Variants in ITPA observed in about 807,000 individuals in gnomAD.
The protein encoded by ITPA is inosine triphosphate pyrophosphatase.
In ITPA, 29 loss-of-function variants were observed where a neutral mutation model predicts 29.6. The observed-to-expected ratio is 0.98, with a 90% CI of 0.73 to 1.34. The LOEUF (loss-of-function observed/expected upper bound fraction) is 1.34, where lower values mean the gene tolerates loss of function less well. Among genes scored for constraint, ITPA ranks in the 40% most tolerant of loss-of-function variants. The probability of loss-of-function intolerance (pLI) is 0.00; values close to 1 mark genes in which losing one functional copy is unlikely to be tolerated. For missense variants in ITPA, 241 were observed against 251.5 expected (o/e 0.96, Z 0.28); for synonymous variants, 103 against 99.3 (o/e 1.04, Z -0.22).
In ITPA at chr20:3,218,509, A is replaced by G; in HGVS notation, c.296-8A>G. ...GGGATGCACTGAGCCCTCACTGCCC[A>G]CCCGCAGGTCTCCACCAGCTCCTGG... On this transcript the variant is annotated splice_polypyrimidine_tract_variant and splice_region_variant and intron_variant, in intron 5 of 7. Transcript: ENST00000380113. 9 of 1,608,392 alleles carry G rather than the reference A, an allele frequency of 5.6e-6. No individual in the cohort carries two copies. Among genetic ancestry groups the G allele is most frequent in the Non-Finnish European group, 6.8e-6 (8 of 1,175,188 alleles).
intron 4 of ITPA, 81 bp downstream of exon 4, chr20:3,214,139 G>A: frequency 6.8e-6 from 8 of 1,173,268 alleles, no homozygotes; most frequent in Non-Finnish European, 1.0e-5. Flanking sequence ...ACCTGATACT[G>A]CAGGTCATTC....
intron 3 of ITPA, 141 bp from the exon 4 acceptor site, chr20:3,213,844 G>A (rs924055703): frequency 1.9e-5 from 16 of 855,268 alleles, no homozygotes; most frequent in South Asian, 6.6e-5. Context: ...GAGATTGGCC[G>A]AGGGCAGCTC....
At chr20:3,220,895 G>A (rs2122428474) in intron 6 of ITPA, among the ~76,000 whole-genome samples, 1 of 151,948 alleles carries the variant, frequency 6.6e-6, no homozygotes, top group Non-Finnish European at 1.5e-5. Flanking sequence ...GGGTTTTTTT[G>A]TTTGTTTTTT....
upstream of ITPA, chr20:3,209,300 G>A: frequency 1.8e-6 from 1 of 570,404 alleles, no homozygotes; most frequent in Non-Finnish European, 3.2e-6. This position sits in a 1 kb window ranked among gnomAD's most constrained non-coding sequence, Gnocchi z 4.6. Flanking sequence ...GGTTCTTGAA[G>A]ATAGCGTCCC....
At chr20:3,219,849 C>A (rs892594661) in intron 6 of ITPA, among the ~76,000 whole-genome samples, 5 of 151,548 alleles carry the variant, frequency 3.3e-5, no homozygotes, top group African/African-American at 4.8e-5. Context: ...GAGTTTGAGA[C>A]CAGCCTGGGT....
At chr20:3,227,389 T>G, downstream of ITPA, 5 of 248,218 alleles carry the variant, frequency 2.0e-5, no homozygotes, top group East Asian at 9.9e-5. Context: ...GGGGGTGGAG[T>G]GGCAGTAGCA....
At chr20:3,227,417 T>C (rs907374412), downstream of ITPA, 11 of 296,484 alleles carry the variant, frequency 3.7e-5, no homozygotes, top group African/African-American at 8.6e-5. Context: ...AGGTGGCACA[T>C]AGGAGCCTAG....
chr20:3,206,035 G>A (rs191654598), upstream of ITPA, among the ~76,000 whole-genome samples: 76 of 136,790 alleles, frequency 5.6e-4, 1 homozygote, highest in Middle Eastern at 0.015. Flanking sequence ...CAGCCTGAGC[G>A]ACAGAGCAAG....
At chr20:3,212,359 G>A (rs777665242) in intron 1 of ITPA, among the ~76,000 whole-genome samples, 5 of 149,524 alleles carry the variant, frequency 3.3e-5, no homozygotes, top group East Asian at 2.0e-4. Flanking sequence ...TCACTCTGTC[G>A]CCTAAGGCTG....
chr20:3,213,051 TTGGTAAGCTTTAGGAGA>T, intron 1 of ITPA, 101 bp from the exon 2 acceptor site: 2 of 1,090,644 alleles, frequency 1.8e-6, no homozygotes, highest in South Asian at 2.5e-5. Context: ...CAGGCCTGAG[TTGGTAAGCTTTAGGAGA>T]TGGGCAGCAG....
At chr20:3,220,887 GTTTT>G (rs796297250) in intron 6 of ITPA, among the ~76,000 whole-genome samples, 180 of 151,926 alleles carry the variant, frequency 1.2e-3, no homozygotes, top group African/African-American at 4.2e-3. Flanking sequence ...AATCTTTTGG[GTTTT>G]TTTGTTTGTT....
upstream of ITPA, among the ~76,000 whole-genome samples, chr20:3,208,525 A>G (rs2067103796): frequency 2.0e-5 from 3 of 152,124 alleles, no homozygotes; most frequent in South Asian, 6.2e-4. Flanking sequence ...ACAGGCATGC[A>G]CCACCATGCC....
At chr20:3,216,140 G>A (rs558801972) in intron 5 of ITPA, among the ~76,000 whole-genome samples, 12 of 147,682 alleles carry the variant, frequency 8.1e-5, no homozygotes, top group African/African-American at 2.3e-4. Flanking sequence ...ACAGGCATGC[G>A]CCAGCACGCT....
At chr20:3,207,499 G>T (rs1338408376), upstream of ITPA, among the ~76,000 whole-genome samples, 2 of 152,132 alleles carry the variant, frequency 1.3e-5, no homozygotes, top group East Asian at 1.9e-4. Context: ...TTTGAGACCA[G>T]CCTGGTCAAT....
chr20:3,226,733 G>A (rs1419293132), downstream of ITPA, among the ~76,000 whole-genome samples: 1 of 152,168 alleles, frequency 6.6e-6, no homozygotes, highest in Non-Finnish European at 1.5e-5. The surrounding 1 kb of genome is among the most constrained non-coding windows in gnomAD (Gnocchi z 4.4). Flanking sequence ...CATGGGGCAT[G>A]TGTCAAGCCA....
chr20:3,210,569 T>G (rs144207419), intron 1 of ITPA, among the ~76,000 whole-genome samples: 1 of 152,222 alleles, frequency 6.6e-6, no homozygotes, highest in African/African-American at 2.4e-5. Flanking sequence ...GCCTGTAGTG[T>G]AGGGAGGGAC....
intron 1 of ITPA, among the ~76,000 whole-genome samples, chr20:3,210,410 C>G (rs757309271): frequency 6.6e-6 from 1 of 152,230 alleles, no homozygotes; most frequent in Non-Finnish European, 1.5e-5. Context: ...GATATCAGCT[C>G]CGACTGGCTT....
rs2067517573 is a variant in ITPA at position 3,223,404 on chromosome 20, C to T, written c.527C>T (p.Ser176Phe). 6.2e-7 allele frequency: 1 copy of T among 1,613,794 alleles called. No homozygotes were observed. Among genetic ancestry groups the T allele is most frequent in the Admixed American group, 1.7e-5 (1 of 60,006 alleles). The change falls in exon 8 of 8, where the codon TCC becomes TTC. Residue 176 changes from serine (S) to phenylalanine (F), a missense_variant. Transcript: ENST00000380113. ...CCTAAGGCGGAGAAGAACGCTGTCT[C>T]CCATCGCTTCCGGGCCCTGCTGGAG... ...EMPKAEKNAV[S>F]HRFRALLELQ...
chr20:3,225,533 GT>G (rs1163917807), downstream of ITPA, among the ~76,000 whole-genome samples: 1 of 152,120 alleles, frequency 6.6e-6, no homozygotes, highest in Non-Finnish European at 1.5e-5. Context: ...CCATGTGGGG[GT>G]TCCTGGAGGG....
Sources: allele counts gnomAD v4.1 joint callset (sites outside exome capture counted in the v4.1 genomes callset), GRCh38; gene constraint gnomAD v4.1.1; non-coding constraint Gnocchi (gnomAD v3.1); transcripts MANE v1.5; gene names NCBI Gene and HGNC (gene_info 2026-07-23, HGNC 2026-07-21).